The following ATM variants were observed in gnomAD, a reference collection of about 807,000 sequenced individuals.
ATM encodes the protein serine-protein kinase ATM.
A neutral mutation model predicts 387.0 loss-of-function variants in ATM; 308 were observed. The observed-to-expected ratio is 0.80, with a 90% CI of 0.73 to 0.87. The LOEUF is 0.87. Ranked by LOEUF, ATM falls within the 40% of genes least tolerant of loss-of-function variation. ATM has a pLI of 0.00. For synonymous variants in ATM, 1,156 were observed against 1,187.3 expected, an observed-to-expected ratio of 0.97 and a Z score of 0.54; for missense variants, 3,312 against 3,560.9, an observed-to-expected ratio of 0.93 and a Z score of 1.78.
intron 20 of ATM, 148 bp downstream of exon 20, chr11:108,271,554 C>T (rs1331505170): frequency 9.4e-7 from 1 of 1,063,640 alleles, no homozygotes; most frequent in Non-Finnish European, 1.4e-6. Context: ...TTGTGTTTCC[C>T]TCAGTCGCTT....
intron 5 of ATM, among the ~76,000 whole-genome samples, chr11:108,238,510 G>A (rs2079410482): frequency 6.6e-6 from 1 of 152,060 alleles, no homozygotes; most frequent in Non-Finnish European, 1.5e-5. Context: ...TGTTTTGTTA[G>A]ATTTATACTG....
chr11:108,292,461 A>G (rs2082847471), intron 29 of ATM, among the ~76,000 whole-genome samples, 158 bp from the exon 30 acceptor site: 1 of 152,192 alleles, frequency 6.6e-6, no homozygotes, highest in Non-Finnish European at 1.5e-5. Context: ...CATTTTGCTG[A>G]TGTGACTTCT....
chr11:108,329,383 C>A, intron 49 of ATM, 145 bp downstream of exon 49: 3 of 752,216 alleles, frequency 4.0e-6, no homozygotes, highest in South Asian at 1.9e-5. Context: ...TTATCTTGGT[C>A]TTTTGGGTTC....
intron 1 of ATM, chr11:108,226,652 C>T (rs2078752799): frequency 6.6e-6 from 1 of 151,988 alleles, no homozygotes; most frequent in African/African-American, 2.4e-5. Context: ...AGCTCCAAAG[C>T]ATGTTTTAAG....
rs780572651 is a variant in ATM, at chr11:108,365,177, T to G, written c.8946T>G (p.Pro2982=). 6.2e-7 allele frequency: 1 copy of G among 1,614,230 alleles called. No individual in the cohort carries two copies. The highest frequency in any genetic ancestry group is 2.2e-5 in the East Asian group (1 of 44,890). ...QRPEDETELH[P]TLNADDQECK... ...CGGAAGATGAAACTGAGCTTCACCC[T>G]ACTCTGAATGCAGATGACCAAGAAT... The change falls in exon 62 of 63, where the codon CCT becomes CCG. Residue 2982 remains proline (P), a synonymous_variant. Transcript: ENST00000675843.
intron 5 of ATM, among the ~76,000 whole-genome samples, chr11:108,242,332 G>A (rs2079603648): frequency 6.6e-6 from 1 of 152,098 alleles, no homozygotes; most frequent in African/African-American, 2.4e-5. Context: ...ACTATTAGGA[G>A]AATAAATTGA....
At chr11:108,256,034 C>G (rs1457413764) in intron 13 of ATM, among the ~76,000 whole-genome samples, 181 bp from the exon 14 acceptor site, 5 of 152,074 alleles carry the variant, frequency 3.3e-5, no homozygotes, top group African/African-American at 1.2e-4. Flanking sequence ...CTTGAGAATC[C>G]TGGTTATAAT....
intron 33 of ATM, among the ~76,000 whole-genome samples, chr11:108,298,001 T>C (rs768240859): frequency 1.2e-4 from 18 of 152,224 alleles, no homozygotes; most frequent in Non-Finnish European, 2.2e-4. Context: ...AACTGACAGG[T>C]ACTCAGTGTC....
In ATM at chr11:108,362,731, T is replaced by C. The variant is rs1052385602; in HGVS notation, c.8851-2351T>C. ...ACCAAACACCGCATATTCTCACTCA[T>C]AGGTGGGAATTGAACAATGAGAACA... On this transcript the variant is annotated intron_variant, in intron 61 of 62. Coordinates refer to ENST00000675843, the MANE Select transcript of ATM (RefSeq NM_000051.4). Among the ~76,000 whole-genome samples the C allele has an allele frequency of 4.0e-4, 56 of 140,802 alleles. 2 individuals are homozygous for C. In the South Asian group the frequency reaches 0.013, roughly 32 times the overall value. 92.4% of individuals were successfully genotyped at this position (140,802 alleles called of 152,430 possible). A position where few individuals can be genotyped will look rare whatever the true frequency, so the allele number is the denominator to read the frequency against.
intron 18 of ATM, among the ~76,000 whole-genome samples, chr11:108,270,149 G>C (rs563315810): frequency 2.6e-4 from 39 of 152,278 alleles, no homozygotes; most frequent in African/African-American, 8.9e-4. Flanking sequence ...TGGCTGCCCA[G>C]ATAATAACTA....
At chr11:108,255,462 G>A (rs1324233812) in intron 13 of ATM, among the ~76,000 whole-genome samples, 1 of 113,162 alleles carries the variant, frequency 8.8e-6, no homozygotes, top group Non-Finnish European at 1.7e-5. Flanking sequence ...GTCTTGCTCT[G>A]TTGCCCAGGC....
chr11:108,333,746 CAG>C, intron 53 of ATM, 138 bp from the exon 54 acceptor site: 1 of 765,664 alleles, frequency 1.3e-6, no homozygotes. Context: ...GGCCAAAGCC[CAG>C]AGTCTTCATT....
At position 108,289,451 on chromosome 11, in the gene ATM, G is replaced by A. The variant is rs2082663183; in HGVS notation, c.4237-151G>A. 2.5e-5 allele frequency: 17 copies of A among 685,978 alleles called. No homozygotes were observed. In the South Asian group the frequency reaches 3.8e-4, roughly 15 times the overall value. 42.5% of individuals were successfully genotyped at this position (685,978 alleles called of 1,614,324 possible). On this transcript the variant is annotated intron_variant, in intron 28 of 62. Transcript: ENST00000675843. ...TTTCTTAATGTAACATTTTGTACTTGATATCAAACCCAAATCTAAATTCTG... is the reference window on the plus strand; with the variant it reads ...TTTCTTAATGTAACATTTTGTACTTAATATCAAACCCAAATCTAAATTCTG...
chr11:108,310,668 CA>C, intron 39 of ATM, among the ~76,000 whole-genome samples: 1 of 152,202 alleles, frequency 6.6e-6, no homozygotes, highest in South Asian at 2.1e-4. Context: ...TTCCTAACTT[CA>C]GTCAGATTAG....
Position 108,271,039 on chromosome 11 carries a change from A to G in ATM, c.2839-25A>G, listed in dbSNP as rs2135546675. The G allele has an allele frequency of 1.3e-6, 2 of 1,595,574 alleles. No homozygotes were observed. The highest frequency in any genetic ancestry group is 1.3e-5 in the African/African-American group (1 of 74,568). On this transcript the variant is annotated intron_variant, in intron 18 of 62. Coordinates refer to ENST00000675843, the MANE Select transcript of ATM (RefSeq NM_000051.4). ...AGTAAATGATTTGTGGATAAACCTG[A>G]TTTTTTTCCCTCCTACCATCTTAGT...
At chr11:108,256,156 A>G (rs2080465722) in intron 13 of ATM, 59 bp from the exon 14 acceptor site, 2 of 1,405,852 alleles carry the variant, frequency 1.4e-6, no homozygotes, top group Non-Finnish European at 1.9e-6. Flanking sequence ...CTTACAAAAG[A>G]TAGAGTATAC....
rs887689725 is a variant in ATM at position 108,333,134 on chromosome 11, C to A, written c.7927+234C>A. ...TAATTATTTGATTTCTTCTGATAATCTTCTGGCATACATACTTATTACAGA... is the reference window on the plus strand; with the variant it reads ...TAATTATTTGATTTCTTCTGATAATATTCTGGCATACATACTTATTACAGA... On this transcript the variant is annotated intron_variant, in intron 53 of 62. Coordinates refer to ENST00000675843, the MANE Select transcript of ATM (RefSeq NM_000051.4). 2.0e-5 allele frequency among the ~76,000 whole-genome samples: 3 copies of A among 152,116 alleles called. No homozygotes were observed. The East Asian group carries it at 5.8e-4, about 29-fold the overall frequency.
At chr11:108,354,341 A>G (rs1041489764) in intron 60 of ATM, among the ~76,000 whole-genome samples, 1 of 152,108 alleles carries the variant, frequency 6.6e-6, no homozygotes, top group African/African-American at 2.4e-5. Context: ...GATCCAAACT[A>G]CTATTGGGTG....
chr11:108,235,914 G>T (rs1201030515), intron 5 of ATM, 80 bp downstream of exon 5: 4 of 1,504,540 alleles, frequency 2.7e-6, no homozygotes, highest in Non-Finnish European at 3.7e-6. Context: ...GTCTGTATCT[G>T]TCTATATCCC....
Sources: gnomAD v4.1 joint callset for allele counts (sites outside exome capture counted in the v4.1 genomes callset) on GRCh38, gnomAD v4.1.1 for gene constraint, MANE v1.5 for transcripts, NCBI Gene and HGNC (gene_info 2026-07-23, HGNC 2026-07-21) for gene names.